Variants in ANTXR2 observed in about 807,000 individuals in gnomAD.
ANTXR2 encodes the protein anthrax toxin receptor 2.
Under a neutral mutation model 73.7 loss-of-function variants are expected in ANTXR2, and 44 were observed. That is an observed-to-expected ratio of 0.60 (90% CI 0.47 to 0.77). The LOEUF (loss-of-function observed/expected upper bound fraction) is 0.77, where lower values mean the gene tolerates loss of function less well. Among genes scored for constraint, ANTXR2 ranks in the 30% least tolerant of loss-of-function variants. ANTXR2 has a pLI of 0.00. For missense variants in ANTXR2, 604 were observed against 592.5 expected (o/e 1.02, Z -0.20); for synonymous variants, 217 against 205.9 (o/e 1.05, Z -0.46).
intron 9 of ANTXR2, 95 bp from the exon 10 acceptor site, chr4:80,031,787 A>T: frequency 1.6e-6 from 1 of 618,726 alleles, no homozygotes; most frequent in Middle Eastern, 2.7e-4. Context: ...TCAGAGTTCA[A>T]ATGTGGAATA....
chr4:79,912,142 G>T (rs1333343869), intron 16 of ANTXR2, among the ~76,000 whole-genome samples: 1 of 151,696 alleles, frequency 6.6e-6, no homozygotes, highest in African/African-American at 2.4e-5. Flanking sequence ...TTTAGAAGTA[G>T]AATTTATTAA....
intron 11 of ANTXR2, among the ~76,000 whole-genome samples, chr4:80,015,464 A>T (rs568409184): frequency 5.3e-5 from 8 of 152,290 alleles, no homozygotes; most frequent in African/African-American, 1.7e-4. Context: ...TTTGTTTCCT[A>T]AAAGCTTTCT....
chr4:80,014,733 G>A (rs1731759317), intron 11 of ANTXR2, among the ~76,000 whole-genome samples: 1 of 152,160 alleles, frequency 6.6e-6, no homozygotes, highest in Non-Finnish European at 1.5e-5. Flanking sequence ...TAATCATCAA[G>A]GGAGATAGTG....
chr4:80,071,584 T>C lies in ANTXR2; in HGVS notation c.223A>G (p.Ser75Gly). ...AGAAAAGTAAAGTAAGAAAGATACC[T>C]CACAAATCTCTCCGCAAGTTGCTGT... ...FVQQLAERFV[S>G]PEMRLSFIVF... The change falls in exon 2 of 17, where the codon AGC becomes GGC. Residue 75 changes from serine to glycine, a missense_variant and splice_region_variant. Ser to Gly is a moderately conservative substitution (Grantham distance 56, BLOSUM62 0). Transcript: ENST00000403729. 1 of 1,609,618 alleles carries C rather than the reference T, an allele frequency of 6.2e-7. No individual in the cohort carries two copies. Among genetic ancestry groups the C allele is most frequent in the Non-Finnish European group, 8.5e-7 (1 of 1,176,008 alleles).
intron 16 of ANTXR2, among the ~76,000 whole-genome samples, chr4:79,954,344 T>C (rs1728813992): frequency 6.6e-6 from 1 of 152,192 alleles, no homozygotes; most frequent in African/African-American, 2.4e-5. Context: ...AAGTCTCAGT[T>C]TCCTTATCTT....
chr4:80,006,084 T>C (rs1731287906), intron 12 of ANTXR2, among the ~76,000 whole-genome samples: 1 of 152,126 alleles, frequency 6.6e-6, no homozygotes, highest in African/African-American at 2.4e-5. Flanking sequence ...CAGAACTGAA[T>C]TGGGAGTCAT....
intron 7 of ANTXR2, among the ~76,000 whole-genome samples, chr4:80,041,869 T>C (rs1013839939): frequency 5.9e-5 from 9 of 152,248 alleles, no homozygotes; most frequent in Admixed American, 2.0e-4. Context: ...AGTCTATCAT[T>C]GATGGGCAAC....
intron 16 of ANTXR2, 114 bp downstream of exon 16, chr4:79,977,507 T>TA (rs1489762051): frequency 3.3e-6 from 5 of 1,493,160 alleles, no homozygotes; most frequent in African/African-American, 1.4e-5. Flanking sequence ...CTTGACAGTA[T>TA]TTCCTTCCTC....
rs536150431 is a variant in ANTXR2 at position 80,026,753 on chromosome 4, T to G, written c.866+4870A>C. On this transcript the variant is annotated intron_variant, in intron 10 of 16. Coordinates refer to ENST00000403729, the MANE Select transcript of ANTXR2 (RefSeq NM_058172.6). ...AATCTGTCTGTCATGTGACAGATCT[T>G]CCAATGTTTGGAGAGTTAATGCATC... is the stretch of plus-strand genomic sequence containing the variant. 3.2e-3 allele frequency among the ~76,000 whole-genome samples: 484 copies of G among 152,316 alleles called. 2 individuals are homozygous for G. The highest frequency in any genetic ancestry group is 5.2e-3 in the Non-Finnish European group (354 of 68,024).
intron 16 of ANTXR2, among the ~76,000 whole-genome samples, chr4:79,976,866 T>C (rs1396332604): frequency 6.6e-6 from 1 of 152,240 alleles, no homozygotes; most frequent in Admixed American, 6.5e-5. Context: ...AGGGCTCACC[T>C]GCCCTGCATC....
chr4:80,029,755 C>T (rs1732603935), intron 10 of ANTXR2, among the ~76,000 whole-genome samples: 2 of 151,712 alleles, frequency 1.3e-5, no homozygotes, highest in African/African-American at 4.8e-5. Context: ...TACAGTTCTA[C>T]ATCAGGGGAA....
chr4:80,054,438 T>C, intron 6 of ANTXR2, 86 bp from the exon 7 acceptor site: 1 of 961,190 alleles, frequency 1.0e-6, no homozygotes, highest in Non-Finnish European at 1.6e-6. Context: ...GTTATGTTCA[T>C]CTGAAAAATT....
chr4:80,042,766 A>G (rs753502319), intron 7 of ANTXR2, among the ~76,000 whole-genome samples: 29 of 152,094 alleles, frequency 1.9e-4, no homozygotes, highest in Non-Finnish European at 4.1e-4. Flanking sequence ...TGCAAGCAGC[A>G]TGAGGGAAAA....
In ANTXR2 at chr4:80,067,377, A is replaced by G. The variant is rs149333238; in HGVS notation, c.296+2059T>C. 3.5e-4 allele frequency among the ~76,000 whole-genome samples: 53 copies of G among 152,340 alleles called. 1 individual carries two copies. In the East Asian group the frequency reaches 7.5e-3, roughly 22 times the overall value. ...CTGGTCACCCAGTGACCTACACTTC[A>G]TCTTCAAAGTGCTGAGGAACCATAT... On this transcript the variant is annotated intron_variant, in intron 3 of 16. Coordinates refer to ENST00000403729, the MANE Select transcript of ANTXR2 (RefSeq NM_058172.6).
At chr4:79,961,177 T>C (rs1451800993) in intron 16 of ANTXR2, among the ~76,000 whole-genome samples, 5 of 152,036 alleles carry the variant, frequency 3.3e-5, no homozygotes, top group African/African-American at 9.7e-5. Context: ...TGTAGAATAA[T>C]GTAGATTTCT....
Position 79,907,147 on chromosome 4 carries a change from G to C in ANTXR2, c.*282C>G, listed in dbSNP as rs1471002180. 2.1e-6 allele frequency: 1 copy of C among 472,524 alleles called. No homozygotes were observed. The highest frequency in any genetic ancestry group is 4.3e-5 in the Admixed American group (1 of 23,426). The allele number at this position is 472,524 out of a possible 1,614,324, so 29.3% of individuals were successfully genotyped here. A position where few individuals can be genotyped will look rare whatever the true frequency, so the allele number is the denominator to read the frequency against. On this transcript the variant is annotated 3_prime_UTR_variant, in exon 17 of 17. Coordinates refer to ENST00000403729, the MANE Select transcript of ANTXR2 (RefSeq NM_058172.6). ...TCTACACATTCAAACAAACTTTCTT[G>C]TACAAACCATAGTCTGCAGGTCAAT...
chr4:79,984,037 C>A, intron 13 of ANTXR2, 67 bp from the exon 14 acceptor site: 1 of 1,122,680 alleles, frequency 8.9e-7, no homozygotes. Context: ...TCGGAACTGG[C>A]TCATATTTAA....
intron 7 of ANTXR2, among the ~76,000 whole-genome samples, chr4:80,038,186 C>T (rs531620117): frequency 2.9e-4 from 44 of 152,188 alleles, no homozygotes; most frequent in African/African-American, 1.0e-3. Flanking sequence ...TGTCAAAAAA[C>T]ATGCATCCGG....
intron 10 of ANTXR2, among the ~76,000 whole-genome samples, chr4:80,020,406 AC>A (rs1177922007): frequency 1.3e-5 from 2 of 152,092 alleles, no homozygotes. Context: ...AAAAACAAAA[AC>A]AAAAAACAAA....
Sources: gnomAD v4.1 joint callset for allele counts (sites outside exome capture counted in the v4.1 genomes callset) on GRCh38, gnomAD v4.1.1 for gene constraint, MANE v1.5 for transcripts, NCBI Gene and HGNC (gene_info 2026-07-23, HGNC 2026-07-21) for gene names.